The following PDE10A variants were observed in gnomAD, a reference collection of about 807,000 sequenced individuals.
PDE10A encodes cAMP and cAMP-inhibited cGMP 3',5'-cyclic phosphodiesterase 10A.
Under a neutral mutation model 97.7 loss-of-function variants are expected in PDE10A, and 39 were observed. The ratio of observed to expected loss-of-function variants is 0.40; its 90% CI spans 0.31 to 0.52. The LOEUF is 0.52. Among genes scored for constraint, PDE10A ranks in the 20% least tolerant of loss-of-function variants. The probability of loss-of-function intolerance (pLI) is 0.56; values close to 1 mark genes in which losing one functional copy is unlikely to be tolerated. For synonymous variants in PDE10A, 371 were observed against 376.8 expected (o/e 0.98, Z 0.18); for missense variants, 731 against 1,047.8 (o/e 0.70, Z 4.17).
intron 1 of PDE10A, among the ~76,000 whole-genome samples, chr6:165,860,393 G>A (rs1202677621): frequency 1.3e-5 from 2 of 152,056 alleles, no homozygotes; most frequent in African/African-American, 2.4e-5. Context: ...CAGAGGTTGC[G>A]GTGAGCCGAG....
chr6:165,432,991 A>C lies in PDE10A; in HGVS notation c.1474T>G (p.Cys492Gly), dbSNP rs1277972777. ...LYRHWGKEAF[C>G]LSHQEVATAN... ...GGCCTTACCTCCTGGTGACTAAGAC[A>C]GAAGGCTTCTTTGCCCCAGTGCCGA... Residue 492 changes from cysteine (C) to glycine (G), a missense_variant, in exon 7 of 22, where the codon TGT becomes GGT. Cys to Gly is a radical substitution (Grantham distance 159). Around this residue, in one of 8 missense-constraint regions of PDE10A, gnomAD observed 152 missense variants for 199.3 expected, o/e 0.76. Coordinates refer to ENST00000539869, the MANE Select transcript of PDE10A (RefSeq NM_001385079.1). 6.2e-7 allele frequency: 1 copy of C among 1,613,882 alleles called. No individual in the cohort carries two copies. Among genetic ancestry groups the C allele is most frequent in the East Asian group, 2.2e-5 (1 of 44,876 alleles).
chr6:165,713,164 C>G (rs1412216233), intron 1 of PDE10A, among the ~76,000 whole-genome samples: 2 of 152,206 alleles, frequency 1.3e-5, no homozygotes, highest in South Asian at 2.1e-4. Context: ...CCCAGCCTTG[C>G]AGTAAAACCA....
chr6:165,647,321 C>T (rs1583708713), intron 1 of PDE10A, among the ~76,000 whole-genome samples: 1 of 152,182 alleles, frequency 6.6e-6, no homozygotes, highest in Non-Finnish European at 1.5e-5. Context: ...AGCGGCAGGG[C>T]CTTCCCACTC....
chr6:165,378,911 G>A (rs1784773171), intron 18 of PDE10A, among the ~76,000 whole-genome samples: 1 of 152,198 alleles, frequency 6.6e-6, no homozygotes, highest in Non-Finnish European at 1.5e-5. Flanking sequence ...ACCTCTTGGA[G>A]AAACATCATT....
intron 1 of PDE10A, among the ~76,000 whole-genome samples, chr6:165,821,961 G>A (rs1779584975): frequency 6.6e-6 from 1 of 152,140 alleles, no homozygotes; most frequent in Non-Finnish European, 1.5e-5. Context: ...AGGATGAGAA[G>A]GATGAGTCGT....
intron 2 of PDE10A, among the ~76,000 whole-genome samples, chr6:165,488,100 CAT>C (rs1015860381): frequency 1.5e-5 from 2 of 135,352 alleles, no homozygotes; most frequent in Non-Finnish European, 3.1e-5. Flanking sequence ...TTTTTATAAA[CAT>C]GTGTTTTTAT....
intron 1 of PDE10A, among the ~76,000 whole-genome samples, chr6:165,895,067 A>G (rs1338802998): frequency 1.3e-5 from 2 of 152,216 alleles, no homozygotes; most frequent in Admixed American, 6.5e-5. Flanking sequence ...CTGGCTCAGT[A>G]CAGGTTTGCC....
chr6:165,417,002 C>A (rs925731859), intron 11 of PDE10A, among the ~76,000 whole-genome samples: 3 of 142,282 alleles, frequency 2.1e-5, no homozygotes, highest in Non-Finnish European at 4.6e-5. Context: ...GCACTCATTT[C>A]AAAACTTCCT....
chr6:165,978,593 T>G (rs912837432), intron 1 of PDE10A, among the ~76,000 whole-genome samples: 1 of 152,152 alleles, frequency 6.6e-6, no homozygotes, highest in African/African-American at 2.4e-5. Context: ...GAATCCAAAT[T>G]TGGGATTTCT....
chr6:165,699,409 C>A (rs1299130128), intron 1 of PDE10A, among the ~76,000 whole-genome samples: 1 of 152,132 alleles, frequency 6.6e-6, no homozygotes, highest in African/African-American at 2.4e-5. Flanking sequence ...TTCAATACCC[C>A]AATTTTAATA....
chr6:165,397,189 A>G (rs1008853662), intron 13 of PDE10A, among the ~76,000 whole-genome samples: 4 of 152,222 alleles, frequency 2.6e-5, no homozygotes, highest in African/African-American at 9.6e-5. Context: ...TTATAAATTA[A>G]TATGTGAGAT....
At chr6:165,765,612 A>G (rs2128458885) in intron 1 of PDE10A, among the ~76,000 whole-genome samples, 1 of 152,222 alleles carries the variant, frequency 6.6e-6, no homozygotes, top group East Asian at 1.9e-4. Flanking sequence ...CCCACCTGGA[A>G]CTCCAGCTGG....
chr6:165,858,108 A>G (rs1780800217), intron 1 of PDE10A, among the ~76,000 whole-genome samples: 1 of 152,236 alleles, frequency 6.6e-6, no homozygotes, highest in African/African-American at 2.4e-5. Context: ...TAGTAAAACA[A>G]TTTATTGCTT....
At chr6:165,460,587 G>A (rs114778384) in intron 3 of PDE10A, among the ~76,000 whole-genome samples, 17 of 152,268 alleles carry the variant, frequency 1.1e-4, no homozygotes, top group African/African-American at 4.1e-4. Context: ...CTACAGCACT[G>A]GCCGTCCGAT....
intron 9 of PDE10A, among the ~76,000 whole-genome samples, chr6:165,429,866 C>T (rs1789431716): frequency 6.7e-6 from 1 of 149,948 alleles, no homozygotes; most frequent in South Asian, 2.2e-4. Flanking sequence ...AGATACTATA[C>T]ATGGGAAAAT....
At chr6:165,693,933 G>C (rs776498662) in intron 1 of PDE10A, among the ~76,000 whole-genome samples, 1 of 152,104 alleles carries the variant, frequency 6.6e-6, no homozygotes, top group Non-Finnish European at 1.5e-5. Context: ...CAGTTAATAT[G>C]CAATGATAGG....
intron 1 of PDE10A, among the ~76,000 whole-genome samples, chr6:165,648,745 A>T (rs919157869): frequency 1.1e-4 from 17 of 152,256 alleles, no homozygotes; most frequent in African/African-American, 4.1e-4. Context: ...GGAACAGAAC[A>T]GTTACACAAT....
intron 1 of PDE10A, among the ~76,000 whole-genome samples, chr6:165,643,149 A>T (rs1447414028): frequency 6.6e-6 from 1 of 152,114 alleles, no homozygotes; most frequent in African/African-American, 2.4e-5. Flanking sequence ...TTATAGTTCT[A>T]AGATAGATGG....
chr6:165,916,704 T>G (rs1782613978), intron 1 of PDE10A, among the ~76,000 whole-genome samples: 1 of 152,222 alleles, frequency 6.6e-6, no homozygotes, highest in South Asian at 2.1e-4. Context: ...GTCAAAAGAT[T>G]GTAAAAATAA....
Sources: allele counts gnomAD v4.1 joint callset (sites outside exome capture counted in the v4.1 genomes callset), GRCh38; gene constraint gnomAD v4.1.1; regional missense constraint gnomAD v4.1.1; transcripts MANE v1.5; gene names NCBI Gene and HGNC (gene_info 2026-07-23, HGNC 2026-07-21).